The following DLG2 variants were observed in gnomAD, a reference collection of about 807,000 sequenced individuals.
DLG2 encodes the protein discs large MAGUK scaffold protein 2.
A neutral mutation model predicts 132.5 loss-of-function variants in DLG2; 45 were observed. The observed-to-expected ratio is 0.34, with a 90% CI of 0.27 to 0.44. The LOEUF is 0.44. Among genes scored for constraint, DLG2 ranks in the 20% least tolerant of loss-of-function variants. The pLI, the probability that DLG2 is intolerant of heterozygous loss-of-function variation, is 1.00. For missense variants in DLG2, 1,045 were observed against 1,196.9 expected (o/e 0.87, Z 1.87); for synonymous variants, 424 against 419.6 (o/e 1.01, Z -0.13).
At chr11:85,555,543 T>C (rs2076895138) in intron 3 of DLG2, among the ~76,000 whole-genome samples, 1 of 151,972 alleles carries the variant, frequency 6.6e-6, no homozygotes, top group South Asian at 2.1e-4. Flanking sequence ...CTCTTGTTTT[T>C]TCCCACCCAC....
At chr11:83,725,818 G>A (rs1461112615) in intron 18 of DLG2, among the ~76,000 whole-genome samples, 1 of 152,174 alleles carries the variant, frequency 6.6e-6, no homozygotes, top group South Asian at 2.1e-4. Context: ...TGTTTTAATG[G>A]TTGGTCATTT....
chr11:85,174,710 G>T (rs909712773), intron 4 of DLG2, among the ~76,000 whole-genome samples: 22 of 152,014 alleles, frequency 1.4e-4, no homozygotes, highest in African/African-American at 5.3e-4. Context: ...AAAATAGATA[G>T]ACACTAGCTA....
intron 22 of DLG2, chr11:83,483,269 A>G (rs2093272958): frequency 1.9e-6 from 3 of 1,612,988 alleles, no homozygotes; most frequent in Middle Eastern, 3.3e-4. Flanking sequence ...TCTTTGTTCC[A>G]TAACCGTCGT....
chr11:84,199,081 C>T (rs1022365789), intron 8 of DLG2, among the ~76,000 whole-genome samples: 8 of 152,034 alleles, frequency 5.3e-5, no homozygotes, highest in African/African-American at 1.9e-4. Flanking sequence ...TTATTCTTTC[C>T]CAAGTTTACT....
chr11:83,966,274 T>A (rs1056017878), intron 12 of DLG2, among the ~76,000 whole-genome samples: 1 of 152,032 alleles, frequency 6.6e-6, no homozygotes, highest in African/African-American at 2.4e-5. Flanking sequence ...CATTTCCTTA[T>A]AGCTTCGCCA....
rs372987091 is a variant in DLG2 at position 83,991,353 on chromosome 11, A to G, written c.920-10711T>C. Among the ~76,000 whole-genome samples, 3 of 152,158 alleles carry G rather than the reference A, an allele frequency of 2.0e-5. No homozygotes were observed. In the East Asian group the frequency reaches 5.8e-4, roughly 29 times the overall value. On this transcript the variant is annotated intron_variant, in intron 11 of 27. Coordinates refer to ENST00000376104, the MANE Select transcript of DLG2 (RefSeq NM_001142699.3). ...AGCCCAAAACTTTTTCTTCTATTACATATCTTGTAATACCCACTCATACCT... is the reference window on the plus strand; with the variant it reads ...AGCCCAAAACTTTTTCTTCTATTACGTATCTTGTAATACCCACTCATACCT...
intron 3 of DLG2, chr11:85,469,202 A>C (rs1299567657): frequency 6.6e-6 from 1 of 151,958 alleles, no homozygotes; most frequent in African/African-American, 2.4e-5. Flanking sequence ...GCTTCTTACC[A>C]CCTTTACCAC....
At chr11:84,743,358 C>T (rs2064937961) in intron 6 of DLG2, among the ~76,000 whole-genome samples, 1 of 152,126 alleles carries the variant, frequency 6.6e-6, no homozygotes, top group South Asian at 2.1e-4. Context: ...CTTTAAGAGG[C>T]CATGTAGTAT....
intron 19 of DLG2, among the ~76,000 whole-genome samples, chr11:83,549,952 A>G (rs1041213317): frequency 6.6e-6 from 1 of 152,176 alleles, no homozygotes; most frequent in African/African-American, 2.4e-5. Flanking sequence ...GATGTATTCA[A>G]CTGTGACCCA....
Position 84,881,087 on chromosome 11 carries a change from G to A in DLG2, c.357+230574C>T, listed in dbSNP as rs528113585. Among the ~76,000 whole-genome samples the A allele has an allele frequency of 5.9e-5, 9 of 152,164 alleles. No individual in the cohort carries two copies. In the East Asian group the frequency reaches 1.7e-3, roughly 30 times the overall value. On this transcript the variant is annotated intron_variant, in intron 6 of 27. Transcript: ENST00000376104. ...GTAACCAAACTGAAATATAGAATTT[G>A]TCATCATATTTTCAAACTAACCTAC...
At chr11:83,518,204 T>C (rs2095361134) in intron 21 of DLG2, among the ~76,000 whole-genome samples, 1 of 152,222 alleles carries the variant, frequency 6.6e-6, no homozygotes, top group Admixed American at 6.5e-5. Context: ...GTTTACCTAC[T>C]CAAGCCTTGG....
chr11:85,007,433 G>T (rs979441609), intron 6 of DLG2, among the ~76,000 whole-genome samples: 1 of 151,928 alleles, frequency 6.6e-6, no homozygotes, highest in Non-Finnish European at 1.5e-5. Context: ...AGCTAAGGCG[G>T]GTGGATCACG....
At chr11:83,861,855 T>A (rs1219548517) in intron 16 of DLG2, among the ~76,000 whole-genome samples, 2 of 152,246 alleles carry the variant, frequency 1.3e-5, no homozygotes, top group Middle Eastern at 3.4e-3. Flanking sequence ...TTGTACATTT[T>A]AAAATAACTC....
At chr11:83,734,798 C>T (rs955844213) in intron 18 of DLG2, among the ~76,000 whole-genome samples, 1 of 152,022 alleles carries the variant, frequency 6.6e-6, no homozygotes, top group African/African-American at 2.4e-5. Flanking sequence ...GGATAATGCA[C>T]ACAGTAAGAG....
intron 3 of DLG2, among the ~76,000 whole-genome samples, chr11:85,427,171 G>A (rs1439087611): frequency 6.6e-6 from 1 of 152,194 alleles, no homozygotes; most frequent in Admixed American, 6.5e-5. Context: ...GAAAGTGAAA[G>A]GGAGAATGGA....
intron 6 of DLG2, chr11:84,890,983 A>G (rs895585422): frequency 1.3e-5 from 2 of 152,132 alleles, no homozygotes; most frequent in East Asian, 1.9e-4. Context: ...CTTAAGTCCA[A>G]TTCTCAGGAC....
chr11:85,488,502 CCT>C (rs1312712536), intron 3 of DLG2, among the ~76,000 whole-genome samples: 1 of 152,158 alleles, frequency 6.6e-6, no homozygotes, highest in Non-Finnish European at 1.5e-5. Flanking sequence ...TCCAATTAAA[CCT>C]CTTTTTCTTC....
intron 6 of DLG2, among the ~76,000 whole-genome samples, chr11:84,768,350 G>A (rs1274902201): frequency 6.6e-6 from 1 of 152,098 alleles, no homozygotes; most frequent in Non-Finnish European, 1.5e-5. Flanking sequence ...GCCATTTAAT[G>A]CCATATTCAC....
Position 84,059,411 on chromosome 11 carries a change from G to A in DLG2, c.823C>T (p.Leu275=), listed in dbSNP as rs1594323705. 3 of 1,613,312 alleles carry A rather than the reference G, an allele frequency of 1.9e-6. No individual in the cohort carries two copies. The highest frequency in any genetic ancestry group is 2.5e-6 in the Non-Finnish European group (3 of 1,179,674). Residue 275 remains leucine, a synonymous_variant, in exon 11 of 28, where the codon CTG becomes TTG. Coordinates refer to ENST00000376104, the MANE Select transcript of DLG2 (RefSeq NM_001142699.3). ...EVSHSKAVEA[L]KEAGSIVRLY... is the part of the protein sequence containing the mutation. ...CGAACGATAGACCCTGCTTCCTTCA[G>A]GGCTTCCACCGCTTTACTGTGGGAA...
Sources: gnomAD v4.1 joint callset for allele counts (sites outside exome capture counted in the v4.1 genomes callset) on GRCh38, gnomAD v4.1.1 for gene constraint, MANE v1.5 for transcripts, NCBI Gene and HGNC (gene_info 2026-07-23, HGNC 2026-07-21) for gene names.